The following SLC14A2 variants were observed in gnomAD, a reference collection of about 807,000 sequenced individuals.
The protein encoded by SLC14A2 is urea transporter 2.
SLC14A2 carries 91 observed loss-of-function variants against 104.6 expected under a neutral mutation model. The observed-to-expected ratio is 0.87, with a 90% CI of 0.73 to 1.04. The LOEUF (loss-of-function observed/expected upper bound fraction) is 1.04. SLC14A2 is among the 50% of genes least tolerant of loss of function. The pLI, the probability that SLC14A2 is intolerant of heterozygous loss-of-function variation, is 0.00. For synonymous variants in SLC14A2, 476 were observed against 466.4 expected (o/e 1.02, Z -0.27); for missense variants, 1,189 against 1,156.0 (o/e 1.03, Z -0.41).
intron 5 of SLC14A2, among the ~76,000 whole-genome samples, chr18:45,634,606 AAG>A (rs1243636420): frequency 6.6e-6 from 1 of 152,198 alleles, no homozygotes; most frequent in East Asian, 1.9e-4. Context: ...GTATTCTAAG[AAG>A]AGAGACAAGA....
chr18:45,531,925 C>T (rs2043696768), intron 2 of SLC14A2, among the ~76,000 whole-genome samples: 1 of 152,154 alleles, frequency 6.6e-6, no homozygotes, highest in African/African-American at 2.4e-5. Flanking sequence ...ATATGGCTAG[C>T]CAGTTTTCCC....
chr18:45,580,504 G>A (rs2044474485), intron 2 of SLC14A2, among the ~76,000 whole-genome samples: 1 of 152,150 alleles, frequency 6.6e-6, no homozygotes, highest in Admixed American at 6.5e-5. Flanking sequence ...TAGGAGAGAG[G>A]GAAGCCTGAA....
At chr18:45,184,652 A>G in the SLC14A2 span, among the ~76,000 whole-genome samples, 1 of 151,392 alleles carries the variant, frequency 6.6e-6, no homozygotes, top group East Asian at 1.9e-4. Flanking sequence ...TAAGTATAAA[A>G]GTAAAGGAAA....
chr18:45,194,266 C>G, the SLC14A2 span, among the ~76,000 whole-genome samples: 2 of 152,150 alleles, frequency 1.3e-5, no homozygotes, highest in Non-Finnish European at 2.9e-5. Context: ...AAAACCTTGC[C>G]TTGTTCCTGA....
intron 2 of SLC14A2, among the ~76,000 whole-genome samples, chr18:45,559,231 G>C (rs976728671): frequency 6.6e-5 from 10 of 152,192 alleles, no homozygotes; most frequent in African/African-American, 2.2e-4. Context: ...GTCAGAGAAT[G>C]CTAAAAAGTC....
intron 1 of SLC14A2, among the ~76,000 whole-genome samples, chr18:45,451,283 G>C (rs1434583006): frequency 6.6e-6 from 1 of 152,114 alleles, no homozygotes; most frequent in Non-Finnish European, 1.5e-5. Flanking sequence ...CCCTAAGAGA[G>C]GGGGTTCTCG....
chr18:45,282,084 C>A (rs2084768156), intron 1 of SLC14A2, among the ~76,000 whole-genome samples: 1 of 152,100 alleles, frequency 6.6e-6, no homozygotes, highest in Non-Finnish European at 1.5e-5. Context: ...GCAGTGGGAG[C>A]CTTTGGTCAT....
the SLC14A2 span, among the ~76,000 whole-genome samples, chr18:45,189,775 G>T: frequency 6.6e-6 from 1 of 152,304 alleles, no homozygotes; most frequent in Non-Finnish European, 1.5e-5. Context: ...CCATGTGGGG[G>T]GAGTTTAGGA....
chr18:45,343,051 C>T (rs1420146849), intron 1 of SLC14A2, among the ~76,000 whole-genome samples: 1 of 152,044 alleles, frequency 6.6e-6, no homozygotes. Flanking sequence ...TAGCGGGAGG[C>T]CAGAAAACTG....
chr18:45,588,675 G>A (rs911429194), intron 2 of SLC14A2, among the ~76,000 whole-genome samples: 6 of 152,340 alleles, frequency 3.9e-5, no homozygotes, highest in Admixed American at 3.9e-4. Flanking sequence ...ATAAAGCAGT[G>A]TGCAGGCAGG....
At position 45,682,402 on chromosome 18, in the gene SLC14A2, C is replaced by T; in HGVS notation, c.2646C>T (p.Tyr882=). The T allele has an allele frequency of 6.2e-7, 1 of 1,614,210 alleles. No homozygotes were observed. Among genetic ancestry groups the T allele is most frequent in the Non-Finnish European group, 8.5e-7 (1 of 1,180,014 alleles). ...TGACGACCAATAACCCCGCCATCTA[C>T]AAGCTCCCGCTCAGCAAAGTCACCT... is the stretch of plus-strand genomic sequence containing the variant. ...LLLTTNNPAI[Y]KLPLSKVTYP... The change falls in exon 20 of 20, where the codon TAC becomes TAT. Residue 882 remains tyrosine (Y), a synonymous_variant. Coordinates refer to ENST00000255226, the MANE Select transcript of SLC14A2 (RefSeq NM_007163.4).
rs140476261 is a variant in SLC14A2, at chr18:45,558,269, A to G, written c.-34-66362A>G. The stretch of plus-strand genomic sequence containing the variant: ...TTATTGTAGACCCCTAAGGACACCC[A>G]CTTGAAGCCAGTTCAGTCTTTCTGG... On this transcript the variant is annotated intron_variant, in intron 2 of 20. Transcript: ENST00000586448. Among the ~76,000 whole-genome samples the G allele has an allele frequency of 5.5e-4, 83 of 152,280 alleles. No individual in the cohort carries two copies. In the East Asian group the frequency reaches 0.012, roughly 22 times the overall value.
intron 1 of SLC14A2, among the ~76,000 whole-genome samples, chr18:45,355,113 T>C (rs368536430): frequency 6.6e-6 from 1 of 152,290 alleles, no homozygotes; most frequent in Non-Finnish European, 1.5e-5. Flanking sequence ...GATTTCCATG[T>C]TAATCTCTTT....
At chr18:45,428,718 G>A (rs1057345827) in intron 1 of SLC14A2, among the ~76,000 whole-genome samples, 3 of 152,208 alleles carry the variant, frequency 2.0e-5, no homozygotes, top group Non-Finnish European at 2.9e-5. Context: ...TTTAATGACA[G>A]AATGGACCAA....
intron 1 of SLC14A2, among the ~76,000 whole-genome samples, chr18:45,243,430 C>T (rs141110317): frequency 2.0e-5 from 3 of 152,238 alleles, no homozygotes; most frequent in East Asian, 1.9e-4. Context: ...GAAATCAGAC[C>T]TCTATGACCT....
At chr18:45,238,672 A>G (rs2084280819) in intron 1 of SLC14A2, among the ~76,000 whole-genome samples, 1 of 152,232 alleles carries the variant, frequency 6.6e-6, no homozygotes, top group South Asian at 2.1e-4. Context: ...GTGGGCATAG[A>G]TAGGTAGATA....
chr18:45,337,432 C>A (rs2085348294), intron 1 of SLC14A2, among the ~76,000 whole-genome samples: 1 of 152,192 alleles, frequency 6.6e-6, no homozygotes, highest in Non-Finnish European at 1.5e-5. Flanking sequence ...CATATGCACA[C>A]AAGTTTATTA....
intron 1 of SLC14A2, among the ~76,000 whole-genome samples, chr18:45,306,500 C>T (rs1396047984): frequency 6.6e-6 from 1 of 152,188 alleles, no homozygotes; most frequent in African/African-American, 2.4e-5. Flanking sequence ...ATGAATGAGA[C>T]TGATAGTATT....
At chr18:45,449,465 AT>A in intron 1 of SLC14A2, among the ~76,000 whole-genome samples, 1 of 152,254 alleles carries the variant, frequency 6.6e-6, no homozygotes, top group Non-Finnish European at 1.5e-5. Context: ...CCTCATACAC[AT>A]AAACTTCCTG....
Sources: allele counts gnomAD v4.1 joint callset (sites outside exome capture counted in the v4.1 genomes callset), GRCh38; gene constraint gnomAD v4.1.1; transcripts MANE v1.5; gene names NCBI Gene and HGNC (gene_info 2026-07-23, HGNC 2026-07-21).